The following CNTLN variants were observed in gnomAD, a reference collection of about 807,000 sequenced individuals.
The protein encoded by CNTLN is centlein, centrosomal protein.
A neutral mutation model predicts 180.0 loss-of-function variants in CNTLN; 212 were observed. The observed-to-expected ratio is 1.18, with a 90% CI of 1.05 to 1.32. The LOEUF (loss-of-function observed/expected upper bound fraction) is 1.32. CNTLN is among the 40% of genes most tolerant of loss of function. The probability of loss-of-function intolerance (pLI) is 0.00; values close to 1 mark genes in which losing one functional copy is unlikely to be tolerated. For synonymous variants in CNTLN, 722 were observed against 563.1 expected (o/e 1.28, Z -3.99); for missense variants, 2,095 against 1,610.9 (o/e 1.30, Z -5.14).
rs116610762 is a variant in CNTLN, at chr9:17,367,310, C to T, written c.1987+593C>T. On this transcript the variant is annotated intron_variant, in intron 13 of 25. Transcript: ENST00000380647. The stretch of plus-strand genomic sequence containing the variant: ...CCACAGAAAGAGCATTTAGACCAGA[C>T]CTGTCCAGAGGACAATCACCCATCC... Among the ~76,000 whole-genome samples, 987 of 152,298 alleles carry T rather than the reference C, an allele frequency of 6.5e-3. 6 individuals are homozygous for T. The highest frequency in any genetic ancestry group is 0.02 in the Middle Eastern group (6 of 294).
chr9:17,239,430 T>C (rs1160568316), intron 5 of CNTLN, among the ~76,000 whole-genome samples: 1 of 149,274 alleles, frequency 6.7e-6, no homozygotes, highest in African/African-American at 2.5e-5. Flanking sequence ...TGTTACTTTT[T>C]ACTCTTTTGA....
intron 19 of CNTLN, among the ~76,000 whole-genome samples, chr9:17,459,031 T>G (rs975240388): frequency 6.6e-6 from 1 of 151,820 alleles, no homozygotes; most frequent in Non-Finnish European, 1.5e-5. Flanking sequence ...CTGTGATTCT[T>G]CATATATTTA....
intron 16 of CNTLN, among the ~76,000 whole-genome samples, chr9:17,411,377 C>T (rs1280548479): frequency 1.3e-5 from 2 of 152,180 alleles, no homozygotes; most frequent in Non-Finnish European, 2.9e-5. Context: ...CTGTTTCCAG[C>T]CCCATCTGTA....
chr9:17,247,780 T>C (rs561730719), intron 5 of CNTLN, among the ~76,000 whole-genome samples: 150 of 86,676 alleles, frequency 1.7e-3, no homozygotes, highest in Middle Eastern at 6.5e-3. Flanking sequence ...ATACTTTTAC[T>C]TTTTTTTTTT....
chr9:17,236,353 T>G (rs1439393114), intron 4 of CNTLN, 56 bp from the exon 5 acceptor site: 47 of 1,429,652 alleles, frequency 3.3e-5, no homozygotes, highest in Non-Finnish European at 4.3e-5. Flanking sequence ...CACCATTTTT[T>G]GGGTTTTTTG....
intron 16 of CNTLN, among the ~76,000 whole-genome samples, chr9:17,412,279 A>G (rs1827906448): frequency 6.6e-6 from 1 of 152,224 alleles, no homozygotes; most frequent in African/African-American, 2.4e-5. Flanking sequence ...ATGAGATTCA[A>G]GTAAGATACA....
chr9:17,281,333 G>C lies in CNTLN; in HGVS notation c.983+7467G>C, dbSNP rs118105772. The stretch of plus-strand genomic sequence containing the variant: ...ATACACGTGCAGGATGTGCAGGTTT[G>C]TTATGTAGGTAAATATGTGCCATGG... On this transcript the variant is annotated intron_variant, in intron 6 of 25. Transcript: ENST00000380647. Among the ~76,000 whole-genome samples the C allele has an allele frequency of 4.4e-3, 674 of 152,054 alleles. 20 individuals carry two copies. The highest frequency in any genetic ancestry group is 0.033 in the East Asian group (171 of 5,168).
chr9:17,311,712 G>A (rs565169650), intron 8 of CNTLN, among the ~76,000 whole-genome samples: 2 of 152,000 alleles, frequency 1.3e-5, no homozygotes, highest in Non-Finnish European at 2.9e-5. Flanking sequence ...GGGAGGCTGA[G>A]GCAGGAGAAT....
rs1831646439 is a variant in CNTLN, at chr9:17,464,747, C to CATATCCT, written c.3531+125_3531+126insTATCCTA. On this transcript the variant is annotated intron_variant, in intron 21 of 25. Transcript: ENST00000380647. Reference sequence around the variant, plus strand: ...TTGATAGGATATGTATTTACTGTTACAAAGTAACACTCTTTGCTCTGAAAG... The same window carrying CATATCCT: ...TTGATAGGATATGTATTTACTGTTACATATCCTAAAGTAACACTCTTTGCTCTGAAAG... 9 of 546,042 alleles carry CATATCCT rather than the reference C, an allele frequency of 1.6e-5. No individual in the cohort carries two copies. In the East Asian group the frequency reaches 3.2e-4, roughly 20 times the overall value. The allele number at this position is 546,042 out of a possible 1,614,324, so 33.8% of individuals were successfully genotyped here.
chr9:17,392,163 AG>A (rs1826165915), intron 14 of CNTLN, among the ~76,000 whole-genome samples: 1 of 152,120 alleles, frequency 6.6e-6, no homozygotes, highest in Non-Finnish European at 1.5e-5. Flanking sequence ...GCTCCTTGGG[AG>A]GCTAAGGTGG....
intron 25 of CNTLN, among the ~76,000 whole-genome samples, chr9:17,494,647 G>C (rs981319979): frequency 3.3e-5 from 5 of 152,008 alleles, no homozygotes; most frequent in Admixed American, 2.0e-4. Context: ...TCCTGCATTA[G>C]TTTGCTAAGG....
chr9:17,444,954 A>T (rs966377684), intron 18 of CNTLN, among the ~76,000 whole-genome samples: 1 of 152,152 alleles, frequency 6.6e-6, no homozygotes, highest in Non-Finnish European at 1.5e-5. Flanking sequence ...TTTTTTCTAT[A>T]TAAAGGAAAT....
rs1829283480 is a variant in CNTLN at position 17,290,281 on chromosome 9, G to T, written c.984-7909G>T. On this transcript the variant is annotated intron_variant, in intron 6 of 25. Coordinates refer to ENST00000380647, the MANE Select transcript of CNTLN (RefSeq NM_017738.4). Reference sequence around the variant, plus strand: ...GAATACCCTGCCATGTGAGGTGTCAGTCTGCCCCTGCTGGGGGGTGCCTCC... The same window carrying T: ...GAATACCCTGCCATGTGAGGTGTCATTCTGCCCCTGCTGGGGGGTGCCTCC... Among the ~76,000 whole-genome samples, 3 of 151,978 alleles carry T rather than the reference G, an allele frequency of 2.0e-5. No individual in the cohort carries two copies. The South Asian group carries it at 6.3e-4, about 32-fold the overall frequency.
In CNTLN at chr9:17,405,110, G is replaced by A. The variant is rs1036121315; in HGVS notation, c.2616-4183G>A. ...TTGATTCTCAGTCCTCACCTTACTT[G>A]ACCTCTCAGCAGCATTTGACACAGT... is the stretch of plus-strand genomic sequence containing the variant. On this transcript the variant is annotated intron_variant, in intron 15 of 25. Transcript: ENST00000380647. Among the ~76,000 whole-genome samples, 35 of 151,784 alleles carry A rather than the reference G, an allele frequency of 2.3e-4. 2 individuals carry two copies. Among genetic ancestry groups the A allele is most frequent in the African/African-American group, 7.8e-4 (32 of 41,186 alleles).
intron 15 of CNTLN, among the ~76,000 whole-genome samples, chr9:17,406,065 G>A (rs1258743048): frequency 1.3e-5 from 2 of 151,690 alleles, no homozygotes; most frequent in Admixed American, 6.6e-5. Context: ...ACAAATTCCT[G>A]GGCTTTACCC....
chr9:17,316,167 G>A (rs923576873), intron 8 of CNTLN, among the ~76,000 whole-genome samples: 7 of 151,610 alleles, frequency 4.6e-5, no homozygotes, highest in South Asian at 4.2e-4. Flanking sequence ...TTGATGAATC[G>A]ATTCTTTTAT....
At chr9:17,355,272 G>A (rs1457942791) in intron 12 of CNTLN, among the ~76,000 whole-genome samples, 1 of 152,130 alleles carries the variant, frequency 6.6e-6, no homozygotes, top group African/African-American at 2.4e-5. Flanking sequence ...TAATCCACCA[G>A]CCTTGGCCTC....
At chr9:17,359,046 G>A (rs1186060417) in intron 12 of CNTLN, among the ~76,000 whole-genome samples, 1 of 149,938 alleles carries the variant, frequency 6.7e-6, no homozygotes, top group East Asian at 2.0e-4. Context: ...TTGAAATAAG[G>A]TCTTACTTTG....
At chr9:17,211,364 G>C (rs1587164374) in intron 2 of CNTLN, among the ~76,000 whole-genome samples, 1 of 152,276 alleles carries the variant, frequency 6.6e-6, no homozygotes, top group East Asian at 1.9e-4. Flanking sequence ...TCAGTTGGTT[G>C]TAGATGTGTG....
Sources: gnomAD v4.1 joint callset for allele counts (sites outside exome capture counted in the v4.1 genomes callset) on GRCh38, gnomAD v4.1.1 for gene constraint, MANE v1.5 for transcripts, NCBI Gene and HGNC (gene_info 2026-07-23, HGNC 2026-07-21) for gene names.